SH2D4B: variants seen among roughly 807,000 people sequenced by gnomAD.
SH2D4B encodes the protein SH2 domain-containing protein 4B.
A neutral mutation model predicts 61.5 loss-of-function variants in SH2D4B; 45 were observed. The ratio of observed to expected loss-of-function variants is 0.73; its 90% CI spans 0.58 to 0.94. The LOEUF (loss-of-function observed/expected upper bound fraction) is 0.94, where lower values mean the gene tolerates loss of function less well. SH2D4B is among the 40% of genes least tolerant of loss of function. SH2D4B has a pLI of 0.00. For synonymous variants in SH2D4B, 224 were observed against 220.4 expected (o/e 1.02, Z -0.14); for missense variants, 572 against 574.2 (o/e 1.00, Z 0.04).
At chr10:80,628,710 A>G (rs1292765685) in intron 6 of SH2D4B, among the ~76,000 whole-genome samples, 1 of 152,164 alleles carries the variant, frequency 6.6e-6, no homozygotes, top group African/African-American at 2.4e-5. Flanking sequence ...AGGCAAATGT[A>G]TTAGGCCATT....
intron 1 of SH2D4B, among the ~76,000 whole-genome samples, chr10:80,558,804 C>T (rs1447893018): frequency 3.9e-5 from 6 of 152,130 alleles, no homozygotes; most frequent in African/African-American, 1.4e-4. Context: ...TGCACACAGC[C>T]TTAAGTCATG....
chr10:80,568,549 C>T lies in SH2D4B; in HGVS notation c.185-1605C>T, dbSNP rs1842000202. Among the ~76,000 whole-genome samples the T allele has an allele frequency of 1.3e-5, 2 of 152,168 alleles. 1 individual carries two copies. Among genetic ancestry groups the T allele is most frequent in the South Asian group, 4.1e-4 (2 of 4,832 alleles). Reference sequence around the variant, plus strand: ...TGGTTGAAGGTGGACGGAGCACATCCTCATGGTCACCATAAGAACTTCACA... The same window carrying T: ...TGGTTGAAGGTGGACGGAGCACATCTTCATGGTCACCATAAGAACTTCACA... On this transcript the variant is annotated intron_variant, in intron 1 of 7. Coordinates refer to ENST00000646907, the MANE Select transcript of SH2D4B (RefSeq NM_001388272.1).
intron 6 of SH2D4B, among the ~76,000 whole-genome samples, chr10:80,610,818 T>C (rs2132145494): frequency 6.6e-6 from 1 of 152,276 alleles, no homozygotes; most frequent in Non-Finnish European, 1.5e-5. Flanking sequence ...ACGTGCCCTT[T>C]GGGAGTTGGT....
chr10:80,549,306 C>G (rs1341979089), intron 1 of SH2D4B, among the ~76,000 whole-genome samples: 1 of 151,962 alleles, frequency 6.6e-6, no homozygotes, highest in African/African-American at 2.4e-5. Context: ...CCAGACCTTT[C>G]TGTTCCATCT....
chr10:80,634,427 T>G lies in SH2D4B; in HGVS notation c.1131T>G (p.Ala377=), dbSNP rs2132162167. 6.4e-7 allele frequency: 1 copy of G among 1,550,550 alleles called. No individual in the cohort carries two copies. The highest frequency in any genetic ancestry group is 2.4e-5 in the East Asian group (1 of 40,922). Residue 377 remains alanine, a synonymous_variant, in exon 7 of 8, where the codon GCT becomes GCG. Coordinates refer to ENST00000646907, the MANE Select transcript of SH2D4B (RefSeq NM_001388272.1). The stretch of plus-strand genomic sequence containing the variant: ...GGTTCAAACACTTTCTTGTGGATGC[T>G]TCTGGGGATTTTTACAGCTTCCTGG... ...QKGFKHFLVD[A]SGDFYSFLGV...
intron 1 of SH2D4B, among the ~76,000 whole-genome samples, chr10:80,565,760 T>A (rs915345329): frequency 1.2e-4 from 19 of 152,066 alleles, no homozygotes; most frequent in African/African-American, 4.3e-4. Flanking sequence ...CAGGAATCAC[T>A]GCTTCATTCC....
In SH2D4B at chr10:80,588,727, A is replaced by G; in HGVS notation, c.593A>G (p.Gln198Arg). 1 of 1,614,136 alleles carries G rather than the reference A, an allele frequency of 6.2e-7. No homozygotes were observed. Among genetic ancestry groups the G allele is most frequent in the Non-Finnish European group, 8.5e-7 (1 of 1,180,014 alleles). ...CTCTACTGGACCCTGAAGCAGGCTC[A>G]GCTGCATTGCCAAGCCAGTGAGAAA... is the stretch of plus-strand genomic sequence containing the variant. ...KELYWTLKQA[Q>R]LHCQASEKEE... Residue 198 changes from glutamine to arginine, a missense_variant, in exon 4 of 8, where the codon CAG becomes CGG. By Grantham distance (43) the Gln-to-Arg change is conservative. Transcript: ENST00000646907.
At chr10:80,577,908 C>T (rs1384666210) in intron 3 of SH2D4B, among the ~76,000 whole-genome samples, 2 of 152,088 alleles carry the variant, frequency 1.3e-5, no homozygotes, top group African/African-American at 2.4e-5. Context: ...CAGTAGACAA[C>T]CAAAAACAGC....
intron 5 of SH2D4B, among the ~76,000 whole-genome samples, chr10:80,608,957 G>C (rs11186263): frequency 0.11 from 16,557 of 152,130 alleles, 1,071 homozygotes; most frequent in East Asian, 0.2. Flanking sequence ...ACCCAGAATT[G>C]TTTCTGAGAG....
intron 1 of SH2D4B, among the ~76,000 whole-genome samples, chr10:80,548,183 C>G (rs1368077507): frequency 1.3e-5 from 2 of 152,148 alleles, no homozygotes; most frequent in Non-Finnish European, 2.9e-5. Context: ...TTTCTTTCTT[C>G]TTAGACAGTT....
At chr10:80,583,539 G>A (rs1842208500) in intron 3 of SH2D4B, among the ~76,000 whole-genome samples, 1 of 151,968 alleles carries the variant, frequency 6.6e-6, no homozygotes, top group Admixed American at 6.6e-5. Context: ...GTGGTGGCAT[G>A]CGCGCCTGTA....
intron 3 of SH2D4B, among the ~76,000 whole-genome samples, chr10:80,575,046 G>A (rs1842108751): frequency 6.7e-6 from 1 of 150,014 alleles, no homozygotes; most frequent in African/African-American, 2.5e-5. Flanking sequence ...ACAGTATTTG[G>A]AAACAGTATG....
chr10:80,561,960 G>A (rs1330494038), intron 1 of SH2D4B, among the ~76,000 whole-genome samples: 2 of 151,490 alleles, frequency 1.3e-5, no homozygotes, highest in African/African-American at 4.9e-5. Flanking sequence ...TAATCCACCT[G>A]CTTTCTATTA....
At chr10:80,590,927 A>C (rs1002417719) in intron 4 of SH2D4B, among the ~76,000 whole-genome samples, 2 of 151,528 alleles carry the variant, frequency 1.3e-5, no homozygotes, top group Non-Finnish European at 2.9e-5. Context: ...AGATTTGCCT[A>C]TGATGGACAT....
intron 6 of SH2D4B, among the ~76,000 whole-genome samples, chr10:80,630,072 G>C (rs992381147): frequency 6.6e-6 from 1 of 152,222 alleles, no homozygotes; most frequent in Non-Finnish European, 1.5e-5. Context: ...AGAGTCTTCA[G>C]AACACGGTAC....
At chr10:80,611,885 G>A (rs1050390937) in intron 6 of SH2D4B, among the ~76,000 whole-genome samples, 4 of 147,306 alleles carry the variant, frequency 2.7e-5, no homozygotes, top group Non-Finnish European at 4.5e-5. Context: ...TGTTCTGACA[G>A]TTCTACCATA....
At chr10:80,592,884 T>A (rs971436200) in intron 4 of SH2D4B, among the ~76,000 whole-genome samples, 4 of 151,950 alleles carry the variant, frequency 2.6e-5, no homozygotes, top group African/African-American at 4.8e-5. Context: ...CCTAGTTTTT[T>A]TTTTTCGTAT....
At chr10:80,572,026 C>A (rs1842054002) in intron 3 of SH2D4B, among the ~76,000 whole-genome samples, 1 of 152,088 alleles carries the variant, frequency 6.6e-6, no homozygotes, top group Non-Finnish European at 1.5e-5. Context: ...CCCGCCTCGG[C>A]CTTCCAAAGT....
At chr10:80,540,209 A>G (rs1207948591) in intron 1 of SH2D4B, among the ~76,000 whole-genome samples, 1 of 152,184 alleles carries the variant, frequency 6.6e-6, no homozygotes, top group Non-Finnish European at 1.5e-5. Flanking sequence ...GCAGGAAAGC[A>G]CGCCGAGGAA....
Sources: allele counts gnomAD v4.1 joint callset (sites outside exome capture counted in the v4.1 genomes callset), GRCh38; gene constraint gnomAD v4.1.1; transcripts MANE v1.5; gene names NCBI Gene and HGNC (gene_info 2026-07-23, HGNC 2026-07-21).